CSMD1: variants seen among roughly 807,000 people sequenced by gnomAD.
The protein encoded by CSMD1 is CUB and Sushi multiple domains 1.
Under a neutral mutation model 417.5 loss-of-function variants are expected in CSMD1, and 213 were observed. The observed-to-expected ratio is 0.51, with a 90% CI of 0.46 to 0.57. The LOEUF (loss-of-function observed/expected upper bound fraction) is 0.57. Among genes scored for constraint, CSMD1 ranks in the 20% least tolerant of loss-of-function variants. The pLI is 0.00. For synonymous variants in CSMD1, 2,862 were observed against 1,736.8 expected (o/e 1.65, Z -16.11); for missense variants, 6,923 against 4,529.7 (o/e 1.53, Z -15.17).
In CSMD1 at chr8:4,930,671, C is replaced by T. The variant is rs11136799; in HGVS notation, c.85+63661G>A. On this transcript the variant is annotated intron_variant, in intron 1 of 69. Transcript: ENST00000635120. ...ACCCAGAAACATTAATATTTCCTAC[C>T]CCAGGTATCAATGTTTAGGTCGTTT... 3.3e-3 allele frequency among the ~76,000 whole-genome samples: 505 copies of T among 152,150 alleles called. 1 individual carries two copies. Among genetic ancestry groups the T allele is most frequent in the African/African-American group, 0.011 (465 of 41,498 alleles).
intron 3 of CSMD1, among the ~76,000 whole-genome samples, chr8:4,397,314 T>C (rs1324208052): frequency 1.3e-5 from 2 of 152,148 alleles, no homozygotes; most frequent in Non-Finnish European, 2.9e-5. Context: ...ATTTTAAATG[T>C]ATAAGCATAT....
intron 26 of CSMD1, among the ~76,000 whole-genome samples, chr8:3,266,379 G>A (rs1053309577): frequency 6.6e-6 from 1 of 151,796 alleles, no homozygotes; most frequent in Non-Finnish European, 1.5e-5. Flanking sequence ...GCTGAGGCGG[G>A]TGGATCACCT....
At chr8:4,666,312 C>T (rs974435332) in intron 1 of CSMD1, among the ~76,000 whole-genome samples, 1 of 152,086 alleles carries the variant, frequency 6.6e-6, no homozygotes, top group Non-Finnish European at 1.5e-5. Flanking sequence ...TTGGAATAGC[C>T]AGATGGGCCC....
intron 10 of CSMD1, among the ~76,000 whole-genome samples, chr8:3,546,837 T>C (rs1798687547): frequency 6.6e-6 from 1 of 152,196 alleles, no homozygotes; most frequent in South Asian, 2.1e-4. Context: ...ATGTTATTAC[T>C]GAAATGAAAG....
intron 56 of CSMD1, among the ~76,000 whole-genome samples, chr8:2,973,876 G>C (rs1304332121): frequency 6.7e-6 from 1 of 150,010 alleles, no homozygotes; most frequent in Non-Finnish European, 1.5e-5. Flanking sequence ...TGGTGGTAGA[G>C]GATGATGGTA....
intron 7 of CSMD1, among the ~76,000 whole-genome samples, chr8:3,636,730 T>G: frequency 6.6e-6 from 1 of 152,352 alleles, no homozygotes; most frequent in East Asian, 1.9e-4. Context: ...TGGGAGCAGC[T>G]GGCTCAGCGA....
intron 7 of CSMD1, among the ~76,000 whole-genome samples, chr8:3,631,928 C>G (rs926977664): frequency 1.3e-5 from 2 of 152,178 alleles, no homozygotes; most frequent in African/African-American, 4.8e-5. Flanking sequence ...CCCCAGATCA[C>G]TGCCTCTTTG....
At chr8:3,598,418 A>G (rs1412936731) in intron 8 of CSMD1, 1 of 152,160 alleles carries the variant, frequency 6.6e-6, no homozygotes, top group Admixed American at 6.5e-5. Context: ...AAGGCAGGGA[A>G]AGATTTTCCC....
intron 26 of CSMD1, among the ~76,000 whole-genome samples, chr8:3,253,554 G>A (rs770898044): frequency 6.6e-6 from 1 of 152,172 alleles, no homozygotes; most frequent in Admixed American, 6.5e-5. Flanking sequence ...TCCACTTGGA[G>A]CAGTGCTGAG....
chr8:3,347,861 T>G, intron 22 of CSMD1, 131 bp downstream of exon 22: 1 of 592,800 alleles, frequency 1.7e-6, no homozygotes, highest in African/African-American at 1.9e-5. Context: ...ATTGTGTAAA[T>G]AAATACAAAT....
intron 2 of CSMD1, among the ~76,000 whole-genome samples, chr8:4,595,898 G>T (rs1294860305): frequency 2.0e-5 from 3 of 152,022 alleles, no homozygotes; most frequent in Non-Finnish European, 4.4e-5. Context: ...CTTGCATGCA[G>T]CCATCCACTC....
At chr8:3,564,894 T>C (rs1343875148) in intron 10 of CSMD1, among the ~76,000 whole-genome samples, 2 of 151,886 alleles carry the variant, frequency 1.3e-5, no homozygotes, top group Non-Finnish European at 2.9e-5. Flanking sequence ...ATGAAATAGC[T>C]GGCACACAGA....
At chr8:3,454,001 T>C (rs952658766) in intron 12 of CSMD1, among the ~76,000 whole-genome samples, 8 of 152,190 alleles carry the variant, frequency 5.3e-5, no homozygotes, top group Admixed American at 4.6e-4. Flanking sequence ...TGCTCCTGTA[T>C]TGGGTGCATA....
intron 12 of CSMD1, among the ~76,000 whole-genome samples, chr8:3,463,288 T>A (rs530054971): frequency 6.6e-6 from 1 of 152,134 alleles, no homozygotes; most frequent in Non-Finnish European, 1.5e-5. Context: ...AGTCACCAAC[T>A]CAGGCTCTGC....
intron 5 of CSMD1, among the ~76,000 whole-genome samples, chr8:3,870,837 A>C (rs1013291141): frequency 2.0e-5 from 3 of 152,152 alleles, no homozygotes; most frequent in Non-Finnish European, 4.4e-5. Flanking sequence ...AGCATCTCCA[A>C]CATTAACACC....
At chr8:3,808,891 G>A (rs1563101672) in intron 5 of CSMD1, among the ~76,000 whole-genome samples, 1 of 152,172 alleles carries the variant, frequency 6.6e-6, no homozygotes, top group African/African-American at 2.4e-5. Flanking sequence ...TCATATCAGG[G>A]ATTTTAAACT....
chr8:4,011,507 A>G (rs1816532486), intron 4 of CSMD1, among the ~76,000 whole-genome samples: 1 of 152,106 alleles, frequency 6.6e-6, no homozygotes, highest in Admixed American at 6.5e-5. Context: ...CTTGAGTCAG[A>G]GTTTCACCCT....
At chr8:4,924,932 C>G (rs903624594) in intron 1 of CSMD1, among the ~76,000 whole-genome samples, 2 of 152,110 alleles carry the variant, frequency 1.3e-5, no homozygotes, top group African/African-American at 4.8e-5. Context: ...AATCCCGTCT[C>G]TTTTTCTGTA....
chr8:4,542,032 G>T (rs1350660640), intron 2 of CSMD1, among the ~76,000 whole-genome samples: 1 of 152,102 alleles, frequency 6.6e-6, no homozygotes, highest in African/African-American at 2.4e-5. Context: ...AGCAAATGTG[G>T]TCCCAGAGCC....
Sources: gnomAD v4.1 joint callset for allele counts (sites outside exome capture counted in the v4.1 genomes callset) on GRCh38, gnomAD v4.1.1 for gene constraint, MANE v1.5 for transcripts, NCBI Gene and HGNC (gene_info 2026-07-23, HGNC 2026-07-21) for gene names.